CSRP3: variants seen among roughly 807,000 people sequenced by gnomAD.
CSRP3 encodes the protein cysteine and glycine-rich protein 3.
In CSRP3, 24 loss-of-function variants were observed where a neutral mutation model predicts 24.3. The observed-to-expected ratio is 0.99, with a 90% CI of 0.71 to 1.39. The LOEUF is 1.39. Ranked by LOEUF, CSRP3 falls within the 40% of genes most tolerant of loss-of-function variation. The pLI, the probability that CSRP3 is intolerant of heterozygous loss-of-function variation, is 0.00. For missense variants in CSRP3, 240 were observed against 249.0 expected, an observed-to-expected ratio of 0.96 and a Z score of 0.24; for synonymous variants, 105 against 94.0, an observed-to-expected ratio of 1.12 and a Z score of -0.68.
rs1201998098 is a variant in CSRP3, at chr11:19,184,929, A to G, written c.508+23T>C. 3 of 1,570,138 alleles carry G rather than the reference A, an allele frequency of 1.9e-6. No homozygotes were observed. The African/African-American group carries it at 4.0e-5, about 21-fold the overall frequency. Reference sequence around the variant, plus strand: ...GCCCTTTTAGGGAAAACATATTTCAAGAAAGTCTCCAGAATCACTCACCTT... The same window carrying G: ...GCCCTTTTAGGGAAAACATATTTCAGGAAAGTCTCCAGAATCACTCACCTT... On this transcript the variant is annotated intron_variant, in intron 5 of 5. Coordinates refer to ENST00000265968, the MANE Select transcript of CSRP3 (RefSeq NM_003476.5).
At chr11:19,186,183 C>T (rs1420376662) in intron 4 of CSRP3, 33 bp downstream of exon 4, 8 of 1,614,092 alleles carry the variant, frequency 5.0e-6, no homozygotes, top group Non-Finnish European at 6.8e-6. Context: ...TGGAGATGAG[C>T]AAATTCTGTC....
intron 2 of CSRP3, among the ~76,000 whole-genome samples, 180 bp from the exon 3 acceptor site, chr11:19,188,484 T>C (rs547374875): frequency 3.9e-5 from 6 of 152,214 alleles, no homozygotes; most frequent in African/African-American, 1.2e-4. Context: ...AGTCCCGATC[T>C]CACAGATGAC....
intron 5 of CSRP3, among the ~76,000 whole-genome samples, chr11:19,184,287 C>T (rs563529332): frequency 1.7e-4 from 26 of 152,246 alleles, no homozygotes; most frequent in African/African-American, 5.5e-4. Context: ...GGGTGGAGGA[C>T]GCATTGCCTT....
rs541115860 is a variant in CSRP3 at position 19,195,766 on chromosome 11, C to A, written c.-28-3290G>T. Among the ~76,000 whole-genome samples, 6 of 152,198 alleles carry A rather than the reference C, an allele frequency of 3.9e-5. No individual in the cohort carries two copies. In the East Asian group the frequency reaches 1.2e-3, roughly 29 times the overall value. ...AATGAGAATAGGATTACAGATAATA[C>A]CTCCTTCACAAACTAATGTATCCTA... On this transcript the variant is annotated intron_variant, in intron 1 of 5. Transcript: ENST00000265968.
At chr11:19,198,402 G>A (rs1850778384) in intron 1 of CSRP3, among the ~76,000 whole-genome samples, 3 of 152,202 alleles carry the variant, frequency 2.0e-5, no homozygotes, top group African/African-American at 7.2e-5. Context: ...ATTCAAGGGT[G>A]GGACTAACAG....
intron 1 of CSRP3, among the ~76,000 whole-genome samples, chr11:19,196,090 C>A (rs1021598315): frequency 3.3e-5 from 5 of 152,100 alleles, no homozygotes; most frequent in Non-Finnish European, 7.4e-5. Context: ...TGGTGAAACC[C>A]CATCTCTACT....
intron 1 of CSRP3, among the ~76,000 whole-genome samples, chr11:19,195,332 A>C (rs192236325): frequency 1.3e-5 from 2 of 152,168 alleles, no homozygotes; most frequent in East Asian, 3.9e-4. Context: ...ATTTATAACC[A>C]AGGTGTATTT....
chr11:19,189,940 T>C (rs1034482260), intron 2 of CSRP3, among the ~76,000 whole-genome samples: 2 of 152,210 alleles, frequency 1.3e-5, no homozygotes, highest in Non-Finnish European at 2.9e-5. Flanking sequence ...CTTGTTACTG[T>C]CAGTTACCAA....
intron 2 of CSRP3, among the ~76,000 whole-genome samples, chr11:19,191,865 G>A (rs899552913): frequency 1.2e-4 from 18 of 152,116 alleles, no homozygotes; most frequent in African/African-American, 4.3e-4. Context: ...ATACAGAGTT[G>A]GCATGTGTTG....
At chr11:19,184,787 T>C (rs1383300806) in intron 5 of CSRP3, among the ~76,000 whole-genome samples, 165 bp downstream of exon 5, 1 of 152,104 alleles carries the variant, frequency 6.6e-6, no homozygotes, top group Non-Finnish European at 1.5e-5. Context: ...GGTGGGAGAT[T>C]CCCTCCCCTT....
rs1850449599 is a variant in CSRP3 at position 19,182,364 on chromosome 11, T to C, written c.*306A>G. 2.7e-6 allele frequency: 1 copy of C among 368,430 alleles called. No homozygotes were observed. The highest frequency in any genetic ancestry group is 2.0e-5 in the African/African-American group (1 of 49,652). 22.8% of individuals were successfully genotyped at this position (368,430 alleles called of 1,614,324 possible). On this transcript the variant is annotated 3_prime_UTR_variant, in exon 6 of 6. Coordinates refer to ENST00000265968, the MANE Select transcript of CSRP3 (RefSeq NM_003476.5). Reference sequence around the variant, plus strand: ...CAACTCGTTTTTTGAACTAGCTTTATGTTTTTGAAAATTTCTATCTCAAAG... The same window carrying C: ...CAACTCGTTTTTTGAACTAGCTTTACGTTTTTGAAAATTTCTATCTCAAAG...
intron 4 of CSRP3, 25 bp downstream of exon 4, chr11:19,186,191 G>T (rs544101515): frequency 6.2e-7 from 1 of 1,613,998 alleles, no homozygotes; most frequent in Non-Finnish European, 8.5e-7. Flanking sequence ...AGCAAATTCT[G>T]TCTGGCTCAT....
rs562106591 is a variant in CSRP3 at position 19,197,412 on chromosome 11, T to C, written c.-29+4542A>G. ...TCCCTTCCTTCCTTCCTTCCTTCCT[T>C]CCTTCCTTCCTTCCTTCCCTCCTTC... On this transcript the variant is annotated intron_variant, in intron 1 of 5. Coordinates refer to ENST00000265968, the MANE Select transcript of CSRP3 (RefSeq NM_003476.5). Among the ~76,000 whole-genome samples, 22 of 75,456 alleles carry C rather than the reference T, an allele frequency of 2.9e-4. 1 individual carries two copies. Among genetic ancestry groups the C allele is most frequent in the Admixed American group, 1.3e-4 (1 of 7,958 alleles). The allele number at this position is 75,456 out of a possible 152,430, so 49.5% of individuals were successfully genotyped here. A position where few individuals can be genotyped will look rare whatever the true frequency, so the allele number is the denominator to read the frequency against.
chr11:19,191,681 C>T (rs532776656), intron 2 of CSRP3, among the ~76,000 whole-genome samples: 1 of 152,184 alleles, frequency 6.6e-6, no homozygotes, highest in African/African-American at 2.4e-5. Context: ...TCAGGCAGGA[C>T]CAGACTCACA....
At chr11:19,194,215 C>G (rs1372799088) in intron 1 of CSRP3, among the ~76,000 whole-genome samples, 1 of 152,170 alleles carries the variant, frequency 6.6e-6, no homozygotes, top group African/African-American at 2.4e-5. Context: ...GCAAACAGAC[C>G]ACTGAACCTG....
At chr11:19,199,854 A>G (rs751830492) in intron 1 of CSRP3, among the ~76,000 whole-genome samples, 15 of 152,204 alleles carry the variant, frequency 9.9e-5, no homozygotes, top group Non-Finnish European at 2.1e-4. Flanking sequence ...ATTTGCAGGC[A>G]TCACATTTCT....
chr11:19,200,788 A>G (rs981879898), intron 1 of CSRP3, among the ~76,000 whole-genome samples: 1 of 152,218 alleles, frequency 6.6e-6, no homozygotes, highest in Non-Finnish European at 1.5e-5. Context: ...TGTACCCAGC[A>G]TTGAGATTTA....
chr11:19,186,140 C>A (rs113412482), intron 4 of CSRP3, 76 bp downstream of exon 4: 1 of 1,597,886 alleles, frequency 6.3e-7, no homozygotes, highest in African/African-American at 1.3e-5. Flanking sequence ...TTGCAGCTCC[C>A]AATTTTTCTC....
intron 1 of CSRP3, among the ~76,000 whole-genome samples, chr11:19,194,868 A>G (rs1274925076): frequency 6.6e-6 from 1 of 152,136 alleles, no homozygotes; most frequent in Non-Finnish European, 1.5e-5. Context: ...ATCATGTGTC[A>G]AGTACTGCAC....
Sources: allele counts gnomAD v4.1 joint callset (sites outside exome capture counted in the v4.1 genomes callset), GRCh38; gene constraint gnomAD v4.1.1; transcripts MANE v1.5; gene names NCBI Gene and HGNC (gene_info 2026-07-23, HGNC 2026-07-21).